Variants in HPX observed in about 807,000 individuals in gnomAD.
The protein encoded by HPX is hemopexin, also known as beta-1B-glycoprotein.
Under a neutral mutation model 53.8 loss-of-function variants are expected in HPX, and 42 were observed. The ratio of observed to expected loss-of-function variants is 0.78; its 90% CI spans 0.61 to 1.01. The LOEUF is 1.01. HPX is among the 50% of genes least tolerant of loss of function. The pLI is 0.00. For synonymous variants in HPX, 229 were observed against 221.1 expected (o/e 1.04, Z -0.32); for missense variants, 547 against 594.3 (o/e 0.92, Z 0.83).
intron 6 of HPX, 99 bp downstream of exon 6, chr11:6,437,341 G>T: frequency 1.5e-6 from 2 of 1,374,192 alleles, no homozygotes; most frequent in Non-Finnish European, 2.1e-6. Context: ...CCAAGGTGTC[G>T]CAACACGGAG....
rs1849347536 is a variant in HPX, at chr11:6,431,490, CAT to C, written c.1130-22_1130-21del. On this transcript the variant is annotated intron_variant, in intron 9 of 9. Transcript: ENST00000265983. Reference sequence around the variant, plus strand: ...GCCGTCCTGGGGAGAAGGCACCAAACATAGCATGGCTTCCATGTCATGGGGAT... The same window carrying C: ...GCCGTCCTGGGGAGAAGGCACCAAACAGCATGGCTTCCATGTCATGGGGAT... 1 of 1,613,604 alleles carries C rather than the reference CAT, an allele frequency of 6.2e-7. No individual in the cohort carries two copies. Among genetic ancestry groups the C allele is most frequent in the Non-Finnish European group, 8.5e-7 (1 of 1,179,784 alleles).
rs750301680 is a variant in HPX, at chr11:6,431,426, T to G, written c.1174A>C (p.Thr392Pro). 4 of 1,614,108 alleles carry G rather than the reference T, an allele frequency of 2.5e-6. No homozygotes were observed. Among genetic ancestry groups the G allele is most frequent in the Non-Finnish European group, 2.5e-6 (3 of 1,180,036 alleles). ...TGGGGCCAAGGAAGCTCTGTCCACG[T>G]GGCTTGGGCTCCTGACTTCAGGTCC... ...WLDLKSGAQA[T>P]WTELPWPHEK... The change falls in exon 10 of 10, where the codon ACG becomes CCG. Residue 392 changes from threonine to proline, a missense_variant. By Grantham distance (38) the Thr-to-Pro change is conservative (BLOSUM62 -1). Coordinates refer to ENST00000265983, the MANE Select transcript of HPX (RefSeq NM_000613.3).
chr11:6,437,308 T>C (rs1212556288), intron 6 of HPX, 131 bp from the exon 7 acceptor site: 2 of 1,376,792 alleles, frequency 1.5e-6, no homozygotes, highest in African/African-American at 1.4e-5. Flanking sequence ...AAATCCAGAA[T>C]GGAAATGGGG....
At chr11:6,440,376 A>G (rs1019893398) in intron 3 of HPX, 90 bp from the exon 4 acceptor site, 1 of 1,598,992 alleles carries the variant, frequency 6.3e-7, no homozygotes, top group Non-Finnish European at 8.6e-7. Context: ...ATACCATCAG[A>G]TAATTCCTAA....
At chr11:6,436,920 G>A in intron 7 of HPX, 126 bp downstream of exon 7, 1 of 1,039,168 alleles carries the variant, frequency 9.6e-7, no homozygotes. Flanking sequence ...AGGGCATGCA[G>A]AAGGATGGGG....
intron 7 of HPX, among the ~76,000 whole-genome samples, chr11:6,436,173 GATGT>G (rs1162768256): frequency 2.0e-5 from 3 of 152,318 alleles, no homozygotes; most frequent in South Asian, 4.1e-4. Flanking sequence ...TCCATGTGGT[GATGT>G]ATTTTTCAAC....
chr11:6,440,305 A>C lies in HPX; in HGVS notation c.215-19T>G, dbSNP rs1849465649. ...AACTCCCCTGAAAAAACCCACACTCACTGAGGGGCCCAGTGAGAAACCTTT... is the reference window on the plus strand; with the variant it reads ...AACTCCCCTGAAAAAACCCACACTCCCTGAGGGGCCCAGTGAGAAACCTTT... On this transcript the variant is annotated intron_variant, in intron 3 of 9. Coordinates refer to ENST00000265983, the MANE Select transcript of HPX (RefSeq NM_000613.3). 6.2e-7 allele frequency: 1 copy of C among 1,613,376 alleles called. No homozygotes were observed. The highest frequency in any genetic ancestry group is 8.5e-7 in the Non-Finnish European group (1 of 1,179,898).
rs1849342244 is a variant in HPX, at chr11:6,431,196, A to G, written c.*15T>C. On this transcript the variant is annotated 3_prime_UTR_variant, in exon 10 of 10. Coordinates refer to ENST00000265983, the MANE Select transcript of HPX (RefSeq NM_000613.3). Reference sequence around the variant, plus strand: ...TAGGAGGTGGGGCCAGGCCAGACTCATGTCAGAAGGCCCCTCAGTGAGTGC... The same window carrying G: ...TAGGAGGTGGGGCCAGGCCAGACTCGTGTCAGAAGGCCCCTCAGTGAGTGC... 26 of 1,613,868 alleles carry G rather than the reference A, an allele frequency of 1.6e-5. 1 individual carries two copies. The Middle Eastern group carries it at 4.0e-3, about 246-fold the overall frequency.
chr11:6,431,077 T>C lies in HPX; in HGVS notation c.*134A>G. ...AAGTGAAGAAGCAATCTGTCTTTAT[T>C]ATGAGAAACTGGGGAGGTGGGGCCA... is the stretch of plus-strand genomic sequence containing the variant. On this transcript the variant is annotated 3_prime_UTR_variant, in exon 10 of 10. Coordinates refer to ENST00000265983, the MANE Select transcript of HPX (RefSeq NM_000613.3). 1 of 1,171,878 alleles carries C rather than the reference T, an allele frequency of 8.5e-7. No individual in the cohort carries two copies. The highest frequency in any genetic ancestry group is 1.2e-6 in the Non-Finnish European group (1 of 847,790). 72.6% of individuals were successfully genotyped at this position (1,171,878 alleles called of 1,614,324 possible).
rs965917252 is a variant in HPX at position 6,431,321 on chromosome 11, G to T, written c.1279C>A (p.Leu427Ile). The change falls in exon 10 of 10, where the codon CTC becomes ATC. Residue 427 changes from leucine (L) to isoleucine (I), a missense_variant. Transcript: ENST00000265983. ...SCSANGPGLYLIHGPNLYCYS... is the reference protein window; with the variant it reads ...SCSANGPGLYIIHGPNLYCYS... Reference sequence around the variant, plus strand: ...CAGTACAAATTGGGACCATGGATGAGGTACAAGCCGGGACCATTGGCGGAA... The same window carrying T: ...CAGTACAAATTGGGACCATGGATGATGTACAAGCCGGGACCATTGGCGGAA... 1 of 1,614,140 alleles carries T rather than the reference G, an allele frequency of 6.2e-7. No homozygotes were observed. The highest frequency in any genetic ancestry group is 8.5e-7 in the Non-Finnish European group (1 of 1,180,060).
At chr11:6,434,237 G>A (rs549337505) in intron 7 of HPX, among the ~76,000 whole-genome samples, 39 of 152,272 alleles carry the variant, frequency 2.6e-4, no homozygotes, top group Admixed American at 5.9e-4. Context: ...CTTATTAGCC[G>A]TGTACTGAGT....
rs1279476192 is a variant in HPX at position 6,440,979 on chromosome 11, C to T, written c.-16G>A. On this transcript the variant is annotated 5_prime_UTR_variant, in exon 1 of 10. Coordinates refer to ENST00000265983, the MANE Select transcript of HPX (RefSeq NM_000613.3). Reference sequence around the variant, plus strand: ...CCCTAGCCATGCTGAGCTGCAGAGGCCACAGGACAGCTCTGGGTGACCAGT... The same window carrying T: ...CCCTAGCCATGCTGAGCTGCAGAGGTCACAGGACAGCTCTGGGTGACCAGT... 1 of 1,585,660 alleles carries T rather than the reference C, an allele frequency of 6.3e-7. No homozygotes were observed. Among genetic ancestry groups the T allele is most frequent in the Admixed American group, 1.7e-5 (1 of 57,348 alleles).
rs758484543 is a variant in HPX, at chr11:6,440,691, C to T, written c.123G>A (p.Lys41=). Residue 41 remains lysine (K), a synonymous_variant, in exon 2 of 10, where the codon AAG becomes AAA. Transcript: ENST00000265983. ...AHGNVAEGET[K]PDPDVTERCS... ...CCTCACCAGTCACGTCTGGGTCTGG[C>T]TTGGTCTCGCCTTCAGCAACATTCC... The T allele has an allele frequency of 1.2e-6, 2 of 1,612,804 alleles. No individual in the cohort carries two copies. Among genetic ancestry groups the T allele is most frequent in the South Asian group, 2.2e-5 (2 of 91,010 alleles).
chr11:6,437,377 G>A, intron 6 of HPX, 63 bp downstream of exon 6: 2 of 1,472,312 alleles, frequency 1.4e-6, no homozygotes, highest in Admixed American at 3.3e-5. Context: ...GGACACGTGA[G>A]ATCCACAAGC....
chr11:6,432,252 A>C (rs1296029083), intron 7 of HPX: 1 of 560,918 alleles, frequency 1.8e-6, no homozygotes, highest in African/African-American at 1.9e-5. Context: ...TGTGGAAAAC[A>C]GTGGCTAAGT....
intron 7 of HPX, 122 bp downstream of exon 7, chr11:6,436,924 G>A: frequency 9.3e-7 from 1 of 1,077,494 alleles, no homozygotes; most frequent in Non-Finnish European, 1.4e-6. Context: ...CATGCAGAAG[G>A]ATGGGGACAG....
chr11:6,439,825 G>A, intron 4 of HPX: 1 of 358,946 alleles, frequency 2.8e-6, no homozygotes, highest in Non-Finnish European at 5.4e-6. Flanking sequence ...CCATTGTGTT[G>A]GGAACAACTT....
intron 7 of HPX, among the ~76,000 whole-genome samples, chr11:6,433,199 G>A (rs372721378): frequency 2.6e-5 from 4 of 152,200 alleles, no homozygotes; most frequent in East Asian, 1.9e-4. Context: ...ATTTAGAGAC[G>A]GAGTTTCACT....
intron 7 of HPX, among the ~76,000 whole-genome samples, chr11:6,433,169 T>C (rs1275919254): frequency 2.0e-5 from 3 of 152,196 alleles, no homozygotes; most frequent in Admixed American, 2.0e-4. Context: ...CTCTGACTGA[T>C]ATCATTCATT....
Sources: gnomAD v4.1 joint callset for allele counts (sites outside exome capture counted in the v4.1 genomes callset) on GRCh38, gnomAD v4.1.1 for gene constraint, MANE v1.5 for transcripts, NCBI Gene and HGNC (gene_info 2026-07-23, HGNC 2026-07-21) for gene names.